Variants in CAMK2D observed in about 807,000 individuals in gnomAD.
CAMK2D encodes calcium/calmodulin-dependent protein kinase type II subunit delta.
In CAMK2D, 37 loss-of-function variants were observed where a neutral mutation model predicts 84.0. The ratio of observed to expected loss-of-function variants is 0.44; its 90% CI spans 0.34 to 0.58. The LOEUF is 0.58. CAMK2D is among the 20% of genes least tolerant of loss of function. The probability of loss-of-function intolerance (pLI) is 0.02; values close to 1 mark genes in which losing one functional copy is unlikely to be tolerated. For missense variants in CAMK2D, 448 were observed against 652.5 expected, an observed-to-expected ratio of 0.69 and a Z score of 3.41; for synonymous variants, 202 against 212.5, an observed-to-expected ratio of 0.95 and a Z score of 0.43.
intron 16 of CAMK2D, among the ~76,000 whole-genome samples, chr4:113,492,840 T>C (rs1274191702): frequency 2.2e-5 from 3 of 137,018 alleles, no homozygotes; most frequent in Non-Finnish European, 4.6e-5. Context: ...ATTGGGTGCA[T>C]ATATATTTAG....
chr4:113,492,488 T>A (rs1231834279), intron 16 of CAMK2D, among the ~76,000 whole-genome samples: 3 of 152,264 alleles, frequency 2.0e-5, no homozygotes, highest in Non-Finnish European at 4.4e-5. Flanking sequence ...CGAGTTTGAT[T>A]GCACTGTGGT....
At chr4:113,606,726 T>C (rs10033037) in intron 4 of CAMK2D, among the ~76,000 whole-genome samples, 24,343 of 151,970 alleles carry the variant, frequency 0.16, 1,974 homozygotes, top group East Asian at 0.19. Context: ...AAAGAAACAA[T>C]GTCCAAAAGT....
chr4:113,591,446 T>G (rs2098881793), intron 4 of CAMK2D, among the ~76,000 whole-genome samples: 1 of 152,196 alleles, frequency 6.6e-6, no homozygotes, highest in Non-Finnish European at 1.5e-5. Flanking sequence ...CTCTAAACTT[T>G]CCACTTTTAT....
At position 113,761,722 on chromosome 4, in the gene CAMK2D, G is replaced by A. The variant is rs1355209857; in HGVS notation, c.-654C>T. 19 of 893,558 alleles carry A rather than the reference G, an allele frequency of 2.1e-5. No individual in the cohort carries two copies. The highest frequency in any genetic ancestry group is 2.5e-5 in the Non-Finnish European group (19 of 746,382). The allele number at this position is 893,558 out of a possible 1,614,324, so 55.4% of individuals were successfully genotyped here. A position where few individuals can be genotyped will look rare whatever the true frequency, so the allele number is the denominator to read the frequency against. On this transcript the variant is annotated 5_prime_UTR_variant, in exon 1 of 21. Transcript: ENST00000511664. ...TCACGAGCCCGCGCGGCTTCAAGACGGCGCGGCGAGAGAAAGAGCGCTCGG... is the reference window on the plus strand; with the variant it reads ...TCACGAGCCCGCGCGGCTTCAAGACAGCGCGGCGAGAGAAAGAGCGCTCGG...
chr4:113,499,553 A>G (rs1051311587), intron 16 of CAMK2D, among the ~76,000 whole-genome samples: 1 of 152,188 alleles, frequency 6.6e-6, no homozygotes, highest in Non-Finnish European at 1.5e-5. Context: ...TTGTATTAAC[A>G]CTACCTTTAG....
At chr4:113,467,285 G>A (rs1228792900) in intron 16 of CAMK2D, among the ~76,000 whole-genome samples, 1 of 152,080 alleles carries the variant, frequency 6.6e-6, no homozygotes, top group African/African-American at 2.4e-5. Context: ...AAACCAGTTT[G>A]CATTTTTTAT....
Position 113,509,629 on chromosome 4 carries a change from T to C in CAMK2D, c.984+9A>G. The C allele has an allele frequency of 3.8e-6, 6 of 1,585,264 alleles. No individual in the cohort carries two copies. The highest frequency in any genetic ancestry group is 4.3e-6 in the Non-Finnish European group (5 of 1,153,594). On this transcript the variant is annotated intron_variant, in intron 13 of 20. Transcript: ENST00000511664. Reference sequence around the variant, plus strand: ...TCAGAAATGGATTAGGGGCATCTGTTTAACTTACCTTTACTCCATCTGGTT... The same window carrying C: ...TCAGAAATGGATTAGGGGCATCTGTCTAACTTACCTTTACTCCATCTGGTT...
intron 2 of CAMK2D, among the ~76,000 whole-genome samples, chr4:113,709,745 C>CTA (rs1554070590): frequency 4.5e-4 from 11 of 24,638 alleles, no homozygotes; most frequent in African/African-American, 2.7e-3. Flanking sequence ...AAGCCGTGAA[C>CTA]GATATATATA....
chr4:113,531,053 C>T (rs2098454938), intron 8 of CAMK2D, among the ~76,000 whole-genome samples, 163 bp downstream of exon 8: 1 of 152,112 alleles, frequency 6.6e-6, no homozygotes, highest in African/African-American at 2.4e-5. Context: ...CACTGCACTC[C>T]AGCCTGGGCG....
intron 16 of CAMK2D, among the ~76,000 whole-genome samples, chr4:113,488,588 CA>C (rs1161190383): frequency 6.6e-6 from 1 of 152,134 alleles, no homozygotes; most frequent in Non-Finnish European, 1.5e-5. Flanking sequence ...ATAGCTCAAT[CA>C]AAGTTTAGAA....
intron 12 of CAMK2D, 30 bp downstream of exon 12, chr4:113,513,298 G>T (rs1456897246): frequency 6.2e-7 from 1 of 1,608,984 alleles, no homozygotes; most frequent in Non-Finnish European, 8.5e-7. Flanking sequence ...AAGACCAAGG[G>T]ATAAGAAGCA....
At chr4:113,601,680 A>ATTTTTTTTT (rs1591768154) in intron 4 of CAMK2D, among the ~76,000 whole-genome samples, 2 of 34,584 alleles carry the variant, frequency 5.8e-5, no homozygotes, top group Admixed American at 2.4e-4. Flanking sequence ...TTAACTGTTT[A>ATTTTTTTTT]TTCTTTTTTT....
chr4:113,552,849 C>T (rs945157664), intron 4 of CAMK2D, among the ~76,000 whole-genome samples: 8 of 152,152 alleles, frequency 5.3e-5, no homozygotes, highest in African/African-American at 1.9e-4. Flanking sequence ...AATCACCTTC[C>T]AAAATGGTTG....
At chr4:113,608,989 C>T (rs868490798) in intron 4 of CAMK2D, among the ~76,000 whole-genome samples, 163 bp downstream of exon 4, 1 of 152,072 alleles carries the variant, frequency 6.6e-6, no homozygotes, top group African/African-American at 2.4e-5. Flanking sequence ...TAAAACAATG[C>T]TGAGTAGTAT....
At chr4:113,717,037 C>T (rs892067029) in intron 2 of CAMK2D, among the ~76,000 whole-genome samples, 1 of 152,086 alleles carries the variant, frequency 6.6e-6, no homozygotes, top group Non-Finnish European at 1.5e-5. Flanking sequence ...ATCTTTCTGA[C>T]CTATTTTACC....
intron 3 of CAMK2D, among the ~76,000 whole-genome samples, chr4:113,611,467 A>G (rs2099000106): frequency 6.6e-6 from 1 of 152,314 alleles, no homozygotes; most frequent in South Asian, 2.1e-4. Flanking sequence ...AAAGTCTACA[A>G]TCTGACCAGG....
intron 3 of CAMK2D, among the ~76,000 whole-genome samples, chr4:113,617,517 T>C (rs1303547271): frequency 6.6e-6 from 1 of 151,740 alleles, no homozygotes; most frequent in Non-Finnish European, 1.5e-5. Flanking sequence ...TCTATCTTAC[T>C]GTACTCTCTG....
chr4:113,587,805 G>A (rs1366130650), intron 4 of CAMK2D, among the ~76,000 whole-genome samples: 10 of 152,060 alleles, frequency 6.6e-5, no homozygotes, highest in African/African-American at 2.4e-4. Context: ...ATCAGTACAC[G>A]CTAGTCATAG....
chr4:113,663,817 ATAG>A (rs1485293998), intron 2 of CAMK2D, among the ~76,000 whole-genome samples: 2 of 150,270 alleles, frequency 1.3e-5, no homozygotes, highest in African/African-American at 5.0e-5. Flanking sequence ...AGTTTTTGCT[ATAG>A]AGATAAACAT....
Sources: allele counts gnomAD v4.1 joint callset (sites outside exome capture counted in the v4.1 genomes callset), GRCh38; gene constraint gnomAD v4.1.1; transcripts MANE v1.5; gene names NCBI Gene and HGNC (gene_info 2026-07-23, HGNC 2026-07-21).